The following TLN2 variants were observed in gnomAD, a reference collection of about 807,000 sequenced individuals.
The protein encoded by TLN2 is talin-2.
In TLN2, 118 loss-of-function variants were observed where a neutral mutation model predicts 294.7. The ratio of observed to expected loss-of-function variants is 0.40; its 90% CI spans 0.34 to 0.47. TLN2 has a LOEUF of 0.47. Ranked by LOEUF, TLN2 falls within the 20% of genes least tolerant of loss-of-function variation. The pLI, the probability that TLN2 is intolerant of heterozygous loss-of-function variation, is 0.84. For missense variants in TLN2, 3,083 were observed against 3,282.2 expected (o/e 0.94, Z 1.48); for synonymous variants, 1,431 against 1,304.5 (o/e 1.10, Z -2.09).
At chr15:62,835,834 TG>T in intron 56 of TLN2, 35 bp downstream of exon 56, 1 of 1,614,218 alleles carries the variant, frequency 6.2e-7, no homozygotes, top group Non-Finnish European at 8.5e-7. Context: ...AGTTTGCTTT[TG>T]GGGTCCCCTG....
At chr15:62,716,934 A>G (rs988523766) in intron 23 of TLN2, among the ~76,000 whole-genome samples, 2 of 107,416 alleles carry the variant, frequency 1.9e-5, no homozygotes, top group East Asian at 3.3e-4. Context: ...ATAGGCAAAA[A>G]CTATGTTTTT....
chr15:62,797,825 G>A (rs970928564), intron 48 of TLN2, among the ~76,000 whole-genome samples: 5 of 152,352 alleles, frequency 3.3e-5, no homozygotes, highest in African/African-American at 7.2e-5. Context: ...GTGAGTGCGC[G>A]TGAGCCTGCC....
At chr15:62,777,258 C>T (rs912414231) in intron 43 of TLN2, among the ~76,000 whole-genome samples, 8 of 151,994 alleles carry the variant, frequency 5.3e-5, no homozygotes, top group African/African-American at 9.7e-5. Flanking sequence ...CCCGCCCGGC[C>T]GGGCGCGGTG....
chr15:62,500,769 G>A (rs530317810), intron 1 of TLN2, among the ~76,000 whole-genome samples: 3 of 152,214 alleles, frequency 2.0e-5, no homozygotes, highest in Non-Finnish European at 4.4e-5. Flanking sequence ...GTTGGGAAAG[G>A]AATTTTTGCC....
intron 6 of TLN2, among the ~76,000 whole-genome samples, chr15:62,652,733 A>G (rs765678728): frequency 5.3e-5 from 8 of 152,170 alleles, no homozygotes; most frequent in Non-Finnish European, 8.8e-5. Flanking sequence ...TGAATGTGAC[A>G]TAAGTTCTAC....
intron 50 of TLN2, among the ~76,000 whole-genome samples, chr15:62,803,157 C>T (rs1450265163): frequency 6.6e-6 from 1 of 152,160 alleles, no homozygotes; most frequent in Non-Finnish European, 1.5e-5. Flanking sequence ...TCTCTCCTGG[C>T]CTGTAAGGCT....
chr15:62,755,480 C>T (rs959348907), intron 36 of TLN2, 52 bp from the exon 37 acceptor site: 45 of 1,581,038 alleles, frequency 2.8e-5, no homozygotes, highest in Admixed American at 1.7e-4. Flanking sequence ...CCGGGGTGGA[C>T]CCCTCTGCAC....
chr15:62,563,850 A>C (rs2043175160), intron 1 of TLN2, among the ~76,000 whole-genome samples: 1 of 152,062 alleles, frequency 6.6e-6, no homozygotes, highest in South Asian at 2.1e-4. Flanking sequence ...TATGGGTGAA[A>C]GCCCCCAGTG....
chr15:62,641,452 A>G (rs2051088734), intron 3 of TLN2, among the ~76,000 whole-genome samples: 1 of 151,838 alleles, frequency 6.6e-6, no homozygotes, highest in African/African-American at 2.4e-5. Context: ...CCCCATCTCT[A>G]CTAAAAATAC....
chr15:62,810,148 T>C, intron 52 of TLN2, 116 bp downstream of exon 52: 1 of 842,670 alleles, frequency 1.2e-6, no homozygotes, highest in Non-Finnish European at 2.0e-6. Context: ...CCATTGCCAC[T>C]GTGAGGCTGG....
rs991770925 is a variant in TLN2 at position 62,842,211 on chromosome 15, T to C, written c.*1601T>C. ...GTGCTGCACGTATTAGAATTTTTTTTTTTCAGACCAGTAAAGTTAGAGAAA... is the reference window on the plus strand; with the variant it reads ...GTGCTGCACGTATTAGAATTTTTTTCTTTCAGACCAGTAAAGTTAGAGAAA... On this transcript the variant is annotated 3_prime_UTR_variant, in exon 59 of 59. Transcript: ENST00000636159. 2 of 152,218 alleles carry C rather than the reference T, an allele frequency of 1.3e-5. No homozygotes were observed. The highest frequency in any genetic ancestry group is 4.8e-5 in the African/African-American group (2 of 41,446). The allele number at this position is 152,218 out of a possible 1,614,324, so 9.4% of individuals were successfully genotyped here. A position where few individuals can be genotyped will look rare whatever the true frequency, so the allele number is the denominator to read the frequency against.
intron 3 of TLN2, chr15:62,644,678 G>C (rs962932242): frequency 1.4e-5 from 6 of 433,618 alleles, no homozygotes; most frequent in East Asian, 1.4e-4. Flanking sequence ...GCCCTGCAGG[G>C]CTCCCTCCTT....
chr15:62,478,048 A>G (rs954148066), intron 1 of TLN2, among the ~76,000 whole-genome samples: 2 of 152,204 alleles, frequency 1.3e-5, no homozygotes, highest in African/African-American at 4.8e-5. Context: ...CAGCTCTAAC[A>G]GCATTCTCGG....
At chr15:62,725,152 C>A (rs765583034) in intron 27 of TLN2, 48 bp downstream of exon 27, 1 of 1,564,318 alleles carries the variant, frequency 6.4e-7, no homozygotes, top group South Asian at 1.2e-5. Context: ...TTTGTTATGA[C>A]GTTATTAAAT....
Position 62,805,569 on chromosome 15 carries a change from T to G in TLN2, c.6478-31T>G, listed in dbSNP as rs763848814. 6 of 1,550,782 alleles carry G rather than the reference T, an allele frequency of 3.9e-6. No homozygotes were observed. In the African/African-American group the frequency reaches 8.3e-5, roughly 21 times the overall value. On this transcript the variant is annotated intron_variant, in intron 50 of 58. Transcript: ENST00000636159. ...ATTATTTTTTTCGTTTCCTTTTTGA[T>G]TTTTTTAACCTCTCTGTTTCTGACT...
At chr15:62,420,427 C>T (rs1482684852) in intron 1 of TLN2, among the ~76,000 whole-genome samples, 4 of 151,218 alleles carry the variant, frequency 2.6e-5, no homozygotes, top group African/African-American at 7.3e-5. Flanking sequence ...AATGGAGTGT[C>T]GCTCTGTCAC....
At chr15:62,694,630 G>A (rs1041538668) in intron 14 of TLN2, among the ~76,000 whole-genome samples, 1 of 152,196 alleles carries the variant, frequency 6.6e-6, no homozygotes, top group African/African-American at 2.4e-5. Flanking sequence ...TTTTAACTGC[G>A]TCTTTTGAGG....
chr15:62,744,430 G>A (rs1383118005), intron 32 of TLN2, among the ~76,000 whole-genome samples: 3 of 136,728 alleles, frequency 2.2e-5, no homozygotes, highest in East Asian at 4.3e-4. Context: ...TTTTTTTAAA[G>A]AGAGGCAGTC....
At chr15:62,423,254 G>A (rs1437418372) in intron 1 of TLN2, among the ~76,000 whole-genome samples, 4 of 152,190 alleles carry the variant, frequency 2.6e-5, no homozygotes, top group Admixed American at 6.5e-5. Flanking sequence ...GGGCATGGTG[G>A]CGTGAGCTTG....
Sources: gnomAD v4.1 joint callset for allele counts (sites outside exome capture counted in the v4.1 genomes callset) on GRCh38, gnomAD v4.1.1 for gene constraint, MANE v1.5 for transcripts, NCBI Gene and HGNC (gene_info 2026-07-23, HGNC 2026-07-21) for gene names.